Variants in ARFGAP3 observed in about 807,000 individuals in gnomAD.
The protein encoded by ARFGAP3 is ARF GTPase activating protein 3, also known as ADP-ribosylation factor GTPase-activating protein 3.
A neutral mutation model predicts 75.0 loss-of-function variants in ARFGAP3; 72 were observed. That is an observed-to-expected ratio of 0.96 (90% CI 0.79 to 1.17). The LOEUF is 1.17. ARFGAP3 is among the 50% of genes most tolerant of loss of function. ARFGAP3 has a pLI of 0.00. For missense variants in ARFGAP3, 620 were observed against 626.6 expected (o/e 0.99, Z 0.11); for synonymous variants, 221 against 217.9 (o/e 1.01, Z -0.13).
intron 2 of ARFGAP3, among the ~76,000 whole-genome samples, chr22:42,846,594 T>C (rs934043976): frequency 6.6e-6 from 1 of 152,210 alleles, no homozygotes; most frequent in African/African-American, 2.4e-5. Flanking sequence ...AAAAAGACCT[T>C]CATGTTATAA....
chr22:42,811,891 A>G (rs80050639), intron 11 of ARFGAP3, among the ~76,000 whole-genome samples: 5,879 of 152,118 alleles, frequency 0.039, 163 homozygotes, highest in African/African-American at 0.075. Flanking sequence ...AGTGACCATC[A>G]ACCAGCCAGG....
chr22:42,850,900 G>A (rs1927250892), intron 1 of ARFGAP3, among the ~76,000 whole-genome samples: 1 of 152,236 alleles, frequency 6.6e-6, no homozygotes, highest in African/African-American at 2.4e-5. Context: ...ACAAACACTA[G>A]CTGAACGCTT....
intron 11 of ARFGAP3, 168 bp from the exon 12 acceptor site, chr22:42,811,112 G>A (rs1172486117): frequency 1.5e-6 from 1 of 656,632 alleles, no homozygotes; most frequent in African/African-American, 2.0e-5. Context: ...CATTTCCAAG[G>A]CCTTTCAAGT....
rs1384358589 is a variant in ARFGAP3, at chr22:42,800,313, T to TGG, written c.1412-1154_1412-1153insCC. Among the ~76,000 whole-genome samples, 5 of 152,260 alleles carry TGG rather than the reference T, an allele frequency of 3.3e-5. No homozygotes were observed. In the South Asian group the frequency reaches 8.3e-4, roughly 25 times the overall value. On this transcript the variant is annotated intron_variant, in intron 14 of 15. Transcript: ENST00000263245. The stretch of plus-strand genomic sequence containing the variant: ...GGGAGGCTGAGGTGGGAGGATCACT[T>TGG]GAGGTCAGGAGTTCAAGACCAGCCT...
chr22:42,810,840 A>T lies in ARFGAP3; in HGVS notation c.1169T>A (p.Val390Asp). The change falls in exon 12 of 16, where the codon GTT becomes GAT. Residue 390 changes from valine to aspartate, a missense_variant. By Grantham distance (152) the Val-to-Asp change is radical. Transcript: ENST00000263245. Reference protein sequence around the residue: ...KKETSKDTETVLKTTGYSDRP... With the variant: ...KKETSKDTETDLKTTGYSDRP... ...GTCTGAATAGCCTGTGGTTTTCAGA[A>T]CTGTTTCAGTATCTTTGCTGGTCTC... 6.2e-7 allele frequency: 1 copy of T among 1,614,202 alleles called. No homozygotes were observed.
chr22:42,841,092 G>C, intron 2 of ARFGAP3, 76 bp from the exon 3 acceptor site: 1 of 1,546,566 alleles, frequency 6.5e-7, no homozygotes, highest in South Asian at 1.2e-5. Flanking sequence ...TTGAGAACAA[G>C]GTTTCCTTAG....
At chr22:42,840,866 T>C (rs1926750502) in intron 3 of ARFGAP3, 78 bp downstream of exon 3, 4 of 1,466,410 alleles carry the variant, frequency 2.7e-6, no homozygotes, top group East Asian at 4.8e-5. Flanking sequence ...CCACTGCACC[T>C]AGCCTGAGCT....
chr22:42,832,295 C>T (rs543644745), intron 5 of ARFGAP3, among the ~76,000 whole-genome samples: 1 of 151,718 alleles, frequency 6.6e-6, no homozygotes, highest in South Asian at 2.1e-4. Flanking sequence ...TGGGAGGCTG[C>T]GGCAGGCAGA....
At chr22:42,799,337 A>G (rs1224109370) in intron 14 of ARFGAP3, 177 bp from the exon 15 acceptor site, 1 of 701,206 alleles carries the variant, frequency 1.4e-6, no homozygotes, top group Non-Finnish European at 1.8e-6. Context: ...GCCATGATCC[A>G]CATGAGAGAA....
At chr22:42,810,716 G>GC (rs1925328989) in intron 12 of ARFGAP3, 97 bp downstream of exon 12, 1 of 1,057,838 alleles carries the variant, frequency 9.5e-7, no homozygotes, top group Non-Finnish European at 1.4e-6. Context: ...GCCGTGCCCA[G>GC]CCCCTTACAA....
At chr22:42,842,112 C>A (rs1390773904) in intron 2 of ARFGAP3, among the ~76,000 whole-genome samples, 2 of 148,032 alleles carry the variant, frequency 1.4e-5, no homozygotes, top group Middle Eastern at 3.3e-3. Context: ...TCAAGTGATT[C>A]TCCTGCCTCA....
At chr22:42,834,605 A>G (rs1189130735) in intron 4 of ARFGAP3, among the ~76,000 whole-genome samples, 1 of 152,220 alleles carries the variant, frequency 6.6e-6, no homozygotes, top group Non-Finnish European at 1.5e-5. Flanking sequence ...GCAGGTTCCA[A>G]ATGATAATCA....
At chr22:42,835,113 T>C (rs1326200028) in intron 4 of ARFGAP3, among the ~76,000 whole-genome samples, 1 of 152,200 alleles carries the variant, frequency 6.6e-6, no homozygotes, top group Non-Finnish European at 1.5e-5. Flanking sequence ...GATCAGTTGA[T>C]GAAAATGAGA....
chr22:42,817,951 T>G, intron 9 of ARFGAP3, 94 bp from the exon 10 acceptor site: 1 of 1,329,842 alleles, frequency 7.5e-7, no homozygotes, highest in South Asian at 1.8e-5. Flanking sequence ...TTTATACTTT[T>G]AGCTTCATGA....
At chr22:42,845,525 CA>C (rs34483025) in intron 2 of ARFGAP3, among the ~76,000 whole-genome samples, 1,785 of 110,482 alleles carry the variant, frequency 0.016, 35 homozygotes, top group African/African-American at 0.057. Context: ...GACTCCATCT[CA>C]AAAAAAAAAA....
In ARFGAP3 at chr22:42,807,095, C is replaced by G. The variant is rs1335552620; in HGVS notation, c.1389G>C (p.Glu463Asp). 1 of 1,612,374 alleles carries G rather than the reference C, an allele frequency of 6.2e-7. No homozygotes were observed. The highest frequency in any genetic ancestry group is 8.5e-7 in the Non-Finnish European group (1 of 1,179,326). ...SSSISSADLF[E>D]EPRKQPAGNY... ...TACCTGCTGGCTGCTTCCTCGGCTC[C>G]TCGAACAGATCAGCCGAGCTTATGG... The change falls in exon 14 of 16, where the codon GAG (glutamate) becomes GAC (aspartate). Residue 463 changes from glutamate (E) to aspartate (D), a missense_variant. Physicochemically the swap from Glu to Asp is conservative, Grantham distance 45 (BLOSUM62 2). Transcript: ENST00000263245.
chr22:42,851,953 C>T (rs1927294090), intron 1 of ARFGAP3, among the ~76,000 whole-genome samples: 4 of 152,204 alleles, frequency 2.6e-5, no homozygotes, highest in Admixed American at 2.6e-4. Flanking sequence ...CTATGATCAT[C>T]CCCATCAGGG....
chr22:42,836,139 C>T (rs775484885), intron 3 of ARFGAP3, among the ~76,000 whole-genome samples: 5 of 151,920 alleles, frequency 3.3e-5, no homozygotes, highest in African/African-American at 7.3e-5. Flanking sequence ...TGTGCCACCA[C>T]GCCTGGCTAA....
intron 7 of ARFGAP3, among the ~76,000 whole-genome samples, chr22:42,825,835 G>A (rs1300352526): frequency 1.3e-5 from 2 of 152,022 alleles, no homozygotes; most frequent in African/African-American, 4.8e-5. Flanking sequence ...TTAGAATTAT[G>A]TCTAAGAAAC....
Sources: allele counts gnomAD v4.1 joint callset (sites outside exome capture counted in the v4.1 genomes callset), GRCh38; gene constraint gnomAD v4.1.1; transcripts MANE v1.5; gene names NCBI Gene and HGNC (gene_info 2026-07-23, HGNC 2026-07-21).